Variants in SGK3 observed in about 807,000 individuals in gnomAD.
SGK3 encodes serine/threonine-protein kinase Sgk3.
In SGK3, 47 loss-of-function variants were observed where a neutral mutation model predicts 68.5. The observed-to-expected ratio is 0.69, with a 90% confidence interval of 0.54 to 0.87. The LOEUF is 0.87. Among genes scored for constraint, SGK3 ranks in the 40% least tolerant of loss-of-function variants. SGK3 has a pLI of 0.00. For synonymous variants in SGK3, 181 were observed against 189.1 expected, an observed-to-expected ratio of 0.96 and a Z score of 0.35; for missense variants, 479 against 575.5, an observed-to-expected ratio of 0.83 and a Z score of 1.72.
chr8:66,827,249 G>A (rs1443503236), intron 6 of SGK3, among the ~76,000 whole-genome samples: 1 of 151,722 alleles, frequency 6.6e-6, no homozygotes, highest in Non-Finnish European at 1.5e-5. Flanking sequence ...GGGCATGGTG[G>A]CGTATGCCTG....
At chr8:66,792,056 G>A (rs769559724) in intron 1 of SGK3, among the ~76,000 whole-genome samples, 4 of 152,246 alleles carry the variant, frequency 2.6e-5, no homozygotes, top group Non-Finnish European at 4.4e-5. Context: ...ACTGCTGGGC[G>A]CAGTGGTTCA....
chr8:66,718,447 T>TTG (rs2130324405), intron 1 of SGK3, among the ~76,000 whole-genome samples: 2 of 148,268 alleles, frequency 1.3e-5, no homozygotes, highest in African/African-American at 5.1e-5. Flanking sequence ...CATATATATA[T>TTG]TATGTGTGTG....
chr8:66,726,858 A>G (rs973845015), intron 1 of SGK3, among the ~76,000 whole-genome samples: 1 of 150,906 alleles, frequency 6.6e-6, no homozygotes, highest in African/African-American at 2.5e-5. Flanking sequence ...TCCTGAACCT[A>G]TAGAATTTGA....
intron 1 of SGK3, among the ~76,000 whole-genome samples, chr8:66,761,679 G>C (rs1806167377): frequency 6.6e-6 from 1 of 152,004 alleles, no homozygotes; most frequent in African/African-American, 2.4e-5. Context: ...TGAGGCAGGA[G>C]AATCACTTGA....
At chr8:66,813,827 C>T in intron 4 of SGK3, 26 bp from the exon 5 acceptor site, 1 of 1,542,488 alleles carries the variant, frequency 6.5e-7, no homozygotes, top group South Asian at 1.3e-5. Flanking sequence ...CATAAATAAT[C>T]CTAATAGTTT....
chr8:66,843,634 C>T, intron 14 of SGK3, 87 bp downstream of exon 14: 1 of 1,320,398 alleles, frequency 7.6e-7, no homozygotes. Flanking sequence ...ATCTCATGGA[C>T]ACTTAGATAA....
intron 3 of SGK3, among the ~76,000 whole-genome samples, chr8:66,802,744 TAGGAAGGAAGAAGGAGGAAGGA>T (rs1807998026): frequency 6.7e-6 from 1 of 150,240 alleles, no homozygotes; most frequent in African/African-American, 2.5e-5. Context: ...GGAAGGCAGG[TAGGAAGGAAGAAGGAGGAAGGA>T]AGGAAGGAAG....
chr8:66,769,371 G>A (rs990800888), intron 1 of SGK3, among the ~76,000 whole-genome samples: 33 of 152,070 alleles, frequency 2.2e-4, no homozygotes, highest in African/African-American at 7.7e-4. Context: ...CTACAGATGT[G>A]CGCCACCATG....
rs756819800 is a variant in SGK3 at position 66,793,845 on chromosome 8, C to G, written c.96+13C>G. 3 of 1,608,260 alleles carry G rather than the reference C, an allele frequency of 1.9e-6. No individual in the cohort carries two copies. In the Admixed American group the frequency reaches 5.0e-5, roughly 27 times the overall value. On this transcript the variant is annotated intron_variant, in intron 2 of 16. Transcript: ENST00000521198. Reference sequence around the variant, plus strand: ...GAAGAGGTTTACTGTAAGTATTTAACATAAAGCATGTGGGAAAAAAGTTGA... The same window carrying G: ...GAAGAGGTTTACTGTAAGTATTTAAGATAAAGCATGTGGGAAAAAAGTTGA...
chr8:66,779,580 AT>A (rs1806878886), intron 1 of SGK3, among the ~76,000 whole-genome samples: 3 of 134,242 alleles, frequency 2.2e-5, no homozygotes, highest in African/African-American at 5.4e-5. Flanking sequence ...ATATATATAT[AT>A]ATATATATAT....
intron 1 of SGK3, among the ~76,000 whole-genome samples, chr8:66,777,054 T>C (rs1283852238): frequency 2.0e-5 from 3 of 152,216 alleles, no homozygotes; most frequent in Non-Finnish European, 2.9e-5. Flanking sequence ...CCCAAGGAAG[T>C]AGGACTGGGT....
intron 11 of SGK3, 24 bp downstream of exon 11, chr8:66,840,139 A>C: frequency 6.2e-7 from 1 of 1,606,060 alleles, no homozygotes; most frequent in Non-Finnish European, 8.5e-7. Context: ...ATATACTTGT[A>C]AAAATTGTAT....
intron 1 of SGK3, chr8:66,775,079 C>A (rs1360576097): frequency 1.3e-5 from 2 of 152,386 alleles, no homozygotes; most frequent in Non-Finnish European, 2.9e-5. Context: ...ACCGGCAGCT[C>A]CTTCGGGGGT....
intron 6 of SGK3, among the ~76,000 whole-genome samples, chr8:66,823,521 C>T (rs1808932167): frequency 6.6e-6 from 1 of 151,994 alleles, no homozygotes; most frequent in African/African-American, 2.4e-5. Flanking sequence ...CCTCAGCCTC[C>T]CTAGTAGCTG....
intron 13 of SGK3, among the ~76,000 whole-genome samples, chr8:66,841,781 T>C (rs1809806411): frequency 1.3e-5 from 2 of 152,192 alleles, no homozygotes; most frequent in East Asian, 3.8e-4. Flanking sequence ...ACATCCCATT[T>C]TCTAATCATG....
At chr8:66,794,123 T>A (rs911874749) in intron 2 of SGK3, among the ~76,000 whole-genome samples, 6 of 152,252 alleles carry the variant, frequency 3.9e-5, no homozygotes, top group Non-Finnish European at 1.5e-5. Flanking sequence ...ATGCACACAC[T>A]TATAATTTTG....
chr8:66,777,454 T>A (rs1806757781), intron 1 of SGK3, among the ~76,000 whole-genome samples: 1 of 152,212 alleles, frequency 6.6e-6, no homozygotes, highest in South Asian at 2.1e-4. Context: ...GCCAATTCAC[T>A]GTCATTTTGC....
At chr8:66,760,026 G>T (rs559911491) in intron 1 of SGK3, among the ~76,000 whole-genome samples, 4 of 152,126 alleles carry the variant, frequency 2.6e-5, no homozygotes, top group Non-Finnish European at 4.4e-5. Context: ...GATTTTTGAT[G>T]CATGCAAGGC....
chr8:66,809,143 C>T (rs1442251944), intron 4 of SGK3, among the ~76,000 whole-genome samples: 1 of 152,178 alleles, frequency 6.6e-6, no homozygotes, highest in Non-Finnish European at 1.5e-5. Context: ...GCTGGGATTA[C>T]ACCACCACCA....
Sources: allele counts gnomAD v4.1 joint callset (sites outside exome capture counted in the v4.1 genomes callset), GRCh38; gene constraint gnomAD v4.1.1; transcripts MANE v1.5; gene names NCBI Gene and HGNC (gene_info 2026-07-23, HGNC 2026-07-21).